NALF1: variants seen among roughly 807,000 people sequenced by gnomAD.
NALF1 encodes the protein NALCN channel auxiliary factor 1, also known as family with sequence similarity 155 member A.
NALF1 carries 3 observed loss-of-function variants against 48.4 expected under a neutral mutation model. The observed-to-expected ratio is 0.06, with a 90% CI of 0.03 to 0.16. The LOEUF is 0.16. NALF1 is among the 10% of genes least tolerant of loss of function. The probability of loss-of-function intolerance (pLI) is 1.00; values close to 1 mark genes in which losing one functional copy is unlikely to be tolerated. For synonymous variants in NALF1, 262 were observed against 245.7 expected (o/e 1.07, Z -0.62); for missense variants, 526 against 571.5 (o/e 0.92, Z 0.81).
chr13:107,345,657 C>T (rs1882758025), intron 1 of NALF1, among the ~76,000 whole-genome samples: 1 of 152,102 alleles, frequency 6.6e-6, no homozygotes, highest in African/African-American at 2.4e-5. Context: ...TAAGTGCCTA[C>T]ATGTAATACC....
At chr13:107,403,386 G>C (rs1197669635) in intron 1 of NALF1, among the ~76,000 whole-genome samples, 1 of 151,438 alleles carries the variant, frequency 6.6e-6, no homozygotes, top group East Asian at 2.0e-4. Flanking sequence ...CAAATTTTCA[G>C]TAGGTAAGAA....
At chr13:107,573,107 T>G (rs1231190789) in intron 1 of NALF1, among the ~76,000 whole-genome samples, 1 of 152,176 alleles carries the variant, frequency 6.6e-6, no homozygotes, top group African/African-American at 2.4e-5. Flanking sequence ...GCTTCCTGTC[T>G]GTGAAACGAC....
At chr13:107,531,668 A>AT (rs1186840858) in intron 1 of NALF1, among the ~76,000 whole-genome samples, 5 of 151,744 alleles carry the variant, frequency 3.3e-5, no homozygotes, top group South Asian at 4.2e-4. Flanking sequence ...AAATGTTTGT[A>AT]TTTTTTTCAT....
chr13:107,375,832 T>C (rs1008894468), intron 1 of NALF1, among the ~76,000 whole-genome samples: 6 of 151,986 alleles, frequency 3.9e-5, no homozygotes, highest in African/African-American at 1.2e-4. Flanking sequence ...GGGAGTAGTA[T>C]TGGGAAACAA....
chr13:107,645,105 T>C (rs1368465865), intron 1 of NALF1, among the ~76,000 whole-genome samples: 3 of 152,158 alleles, frequency 2.0e-5, no homozygotes, highest in African/African-American at 4.8e-5. Flanking sequence ...TATAAATACA[T>C]GTGAGCATTT....
chr13:107,430,013 A>T lies in NALF1; in HGVS notation c.916-219258T>A, dbSNP rs943848839. On this transcript the variant is annotated intron_variant, in intron 1 of 2. Transcript: ENST00000375915. The stretch of plus-strand genomic sequence containing the variant: ...TTAACTTTCCTATACAAGAGCTGAT[A>T]GATCATACTTGAATTTAGGTATTGA... Among the ~76,000 whole-genome samples, 4 of 152,208 alleles carry T rather than the reference A, an allele frequency of 2.6e-5. No homozygotes were observed. The East Asian group carries it at 5.8e-4, about 22-fold the overall frequency.
At chr13:107,677,981 A>G (rs533743380) in intron 1 of NALF1, among the ~76,000 whole-genome samples, 1 of 152,312 alleles carries the variant, frequency 6.6e-6, no homozygotes, top group Admixed American at 6.5e-5. Flanking sequence ...CTGCCATGGT[A>G]TATTTTGAAA....
intron 1 of NALF1, among the ~76,000 whole-genome samples, chr13:107,603,223 G>A (rs1449674685): frequency 2.6e-5 from 4 of 152,064 alleles, no homozygotes; most frequent in African/African-American, 9.7e-5. Flanking sequence ...AAAATTTCTA[G>A]TTAAAACACA....
chr13:107,737,788 A>G lies in NALF1; in HGVS notation c.915+127894T>C, dbSNP rs566736443. 4.6e-5 allele frequency among the ~76,000 whole-genome samples: 7 copies of G among 152,314 alleles called. No homozygotes were observed. In the East Asian group the frequency reaches 5.8e-4, roughly 13 times the overall value. ...GTTGAAAAATGACCCATTGTATTGC[A>G]GAGTACCCTGCTGTCTGGGGTTCTG... is the stretch of plus-strand genomic sequence containing the variant. On this transcript the variant is annotated intron_variant, in intron 1 of 2. Transcript: ENST00000375915.
rs1882549529 is a variant in NALF1, at chr13:107,336,081, G to A, written c.916-125326C>T. On this transcript the variant is annotated intron_variant, in intron 1 of 2. Coordinates refer to ENST00000375915, the MANE Select transcript of NALF1 (RefSeq NM_001080396.3). ...TAAAATCTAATATCAGCCAGTCATG[G>A]CGGCTCACACCTGTAATAACAGCAC... Among the ~76,000 whole-genome samples, 3 of 152,086 alleles carry A rather than the reference G, an allele frequency of 2.0e-5. No individual in the cohort carries two copies. In the South Asian group the frequency reaches 6.2e-4, roughly 32 times the overall value.
At chr13:107,374,718 C>G (rs7990403) in intron 1 of NALF1, among the ~76,000 whole-genome samples, 82,751 of 151,812 alleles carry the variant, frequency 0.55, 23,130 homozygotes, top group East Asian at 0.75. Flanking sequence ...GGTCATGAGG[C>G]CAGAGTCCTC....
In NALF1 at chr13:107,249,309, G is replaced by C. The variant is rs116140318; in HGVS notation, c.916-38554C>G. ...TTTATAGCGAGGAAATCTACATTAA[G>C]TAGTTTCTTGAAAATCTTATTTTCT... is the stretch of plus-strand genomic sequence containing the variant. On this transcript the variant is annotated intron_variant, in intron 1 of 2. Transcript: ENST00000375915. Among the ~76,000 whole-genome samples, 896 of 152,162 alleles carry C rather than the reference G, an allele frequency of 5.9e-3. 8 individuals are homozygous for C. The highest frequency in any genetic ancestry group is 0.02 in the African/African-American group (849 of 41,546).
intron 1 of NALF1, among the ~76,000 whole-genome samples, chr13:107,653,140 T>C (rs569505592): frequency 2.7e-4 from 41 of 150,096 alleles, no homozygotes; most frequent in African/African-American, 9.9e-4. Context: ...TTTTTAAGTA[T>C]TTGTAAGAAC....
At chr13:107,284,928 T>C (rs1255529970) in intron 1 of NALF1, among the ~76,000 whole-genome samples, 2 of 151,322 alleles carry the variant, frequency 1.3e-5, no homozygotes, top group African/African-American at 4.9e-5. Flanking sequence ...AAATGATAGA[T>C]TGACTTGACT....
intron 2 of NALF1, among the ~76,000 whole-genome samples, chr13:107,204,225 C>T (rs1219575076): frequency 2.0e-5 from 3 of 152,234 alleles, no homozygotes; most frequent in African/African-American, 7.2e-5. Flanking sequence ...GAGCTGGAGG[C>T]AGGTTGTCTT....
intron 1 of NALF1, among the ~76,000 whole-genome samples, chr13:107,616,374 T>A (rs1157691758): frequency 6.6e-6 from 1 of 152,198 alleles, no homozygotes; most frequent in Non-Finnish European, 1.5e-5. Flanking sequence ...TGCATAATAA[T>A]CCAAGGACAT....
intron 1 of NALF1, among the ~76,000 whole-genome samples, chr13:107,438,028 G>A (rs182254287): frequency 1.3e-5 from 2 of 152,280 alleles, no homozygotes; most frequent in African/African-American, 4.8e-5. Flanking sequence ...TATGTGATGG[G>A]TATGTGGACA....
intron 1 of NALF1, among the ~76,000 whole-genome samples, chr13:107,476,394 AT>A (rs1441795846): frequency 6.6e-6 from 1 of 152,010 alleles, no homozygotes; most frequent in Non-Finnish European, 1.5e-5. Flanking sequence ...ATCTGAGCAT[AT>A]TTTTTTCTCA....
intron 1 of NALF1, among the ~76,000 whole-genome samples, chr13:107,499,554 C>G (rs1015601485): frequency 6.6e-6 from 1 of 152,086 alleles, no homozygotes; most frequent in East Asian, 1.9e-4. Context: ...AGCAGAAATT[C>G]AACTTTTTGG....
Sources: gnomAD v4.1 joint callset for allele counts (sites outside exome capture counted in the v4.1 genomes callset) on GRCh38, gnomAD v4.1.1 for gene constraint, MANE v1.5 for transcripts, NCBI Gene and HGNC (gene_info 2026-07-23, HGNC 2026-07-21) for gene names.